Variants in GABRE observed in about 807,000 individuals in gnomAD.
The protein encoded by GABRE is gamma-aminobutyric acid receptor subunit epsilon.
In GABRE, 20 loss-of-function variants were observed where a neutral mutation model predicts 31.0. That is an observed-to-expected ratio of 0.64 (90% confidence interval 0.45 to 0.94). The LOEUF is 0.94. Ranked by LOEUF, GABRE falls within the 40% of genes least tolerant of loss-of-function variation. The pLI is 0.00. For missense variants in GABRE, 420 were observed against 410.7 expected (o/e 1.02, Z -0.20); for synonymous variants, 155 against 150.6 (o/e 1.03, Z -0.21).
chrX:151,954,772 A>G lies in GABRE; in HGVS notation c.1450T>C (p.Ser484Pro), dbSNP rs752531542. The change falls in exon 9 of 9, where the codon TCG (serine) becomes CCG (proline). Residue 484 changes from serine to proline, a missense_variant. Transcript: ENST00000370328. Reference protein sequence around the residue: ...CIHVYRLDNYSRVVFPVTFFF... With the variant: ...CIHVYRLDNYPRVVFPVTFFF... Reference sequence around the variant, plus strand: ...AAAGTCACTGGGAAAACAACTCTCGAGTAGTTATCCAGGCGGTAGACATGG... The same window carrying G: ...AAAGTCACTGGGAAAACAACTCTCGGGTAGTTATCCAGGCGGTAGACATGG... 1 of 1,210,085 alleles carries G rather than the reference A, an allele frequency of 8.3e-7. No individual in the cohort carries two copies. Among genetic ancestry groups the G allele is most frequent in the East Asian group, 3.0e-5 (1 of 33,745 alleles).
chrX:151,970,439 C>T, intron 1 of GABRE, 37 bp from the exon 2 acceptor site: 1 of 1,188,446 alleles, frequency 8.4e-7, no homozygotes, highest in Admixed American at 2.3e-5. Context: ...CTCTGCCCTG[C>T]ACTCTGTAGG....
At chrX:151,961,852 A>C (rs1934387989) in intron 4 of GABRE, among the ~76,000 whole-genome samples, 1 of 106,914 alleles carries the variant, frequency 9.4e-6, no homozygotes, top group South Asian at 4.0e-4. Flanking sequence ...CAAAACAAAC[A>C]AACAGCTTAG....
At chrX:151,955,144 G>T (rs1934112276) in intron 8 of GABRE, 60 bp from the exon 9 acceptor site, 1 of 1,178,271 alleles carries the variant, frequency 8.5e-7, no homozygotes, top group Non-Finnish European at 1.1e-6. Context: ...AAGTCTAAGT[G>T]CTGCCTCCGG....
In GABRE at chrX:151,955,369, T is replaced by C; in HGVS notation, c.1136A>G (p.His379Arg). The C allele has an allele frequency of 1.7e-6, 2 of 1,211,521 alleles. No homozygotes were observed. Among genetic ancestry groups the C allele is most frequent in the East Asian group, 3.0e-5 (1 of 33,842 alleles). Residue 379 changes from histidine (H) to arginine (R), a missense_variant and splice_region_variant, in exon 8 of 9, where the codon CAT becomes CGT. Transcript: ENST00000370328. ...ACCACTCCCATACCCAGCTCATACA[T>C]GGCGGAGTTTAGGAGAAGCATGGGC... ...TKAHASPKLRHPRINSRAHAR... is the reference protein window; with the variant it reads ...TKAHASPKLRRPRINSRAHAR...
Position 151,954,889 on chromosome X carries a change from C to G in GABRE, c.1333G>C (p.Ala445Pro). 2.5e-6 allele frequency: 3 copies of G among 1,211,319 alleles called. No homozygotes were observed. The highest frequency in any genetic ancestry group is 1.8e-5 in the South Asian group (1 of 56,816). Residue 445 changes from alanine (A) to proline (P), a missense_variant, in exon 9 of 9, where the codon GCC becomes CCC. Ala to Pro is a conservative substitution (Grantham distance 27). Transcript: ENST00000370328. ...EGPRSLCSKLACCEWCKRFKK... is the reference protein window; with the variant it reads ...EGPRSLCSKLPCCEWCKRFKK... ...AAACGCTTGCACCACTCACAGCAGG[C>G]CAGCTTGGAGCAGAGGCTGCGGGGA... is the stretch of plus-strand genomic sequence containing the variant.
In GABRE at chrX:151,962,259, C is replaced by T. The variant is rs1446313473; in HGVS notation, c.563+164G>A. Among the ~76,000 whole-genome samples, 4 of 111,681 alleles carry T rather than the reference C, an allele frequency of 3.6e-5. No individual in the cohort carries two copies. The South Asian group carries it at 1.5e-3, about 42-fold the overall frequency. On this transcript the variant is annotated intron_variant, in intron 4 of 8. Transcript: ENST00000370328. ...AAGCAATATCTTTCTATTTTGAGGCCTCTATATCTGTTACATAAGGGGGCT... is the reference window on the plus strand; with the variant it reads ...AAGCAATATCTTTCTATTTTGAGGCTTCTATATCTGTTACATAAGGGGGCT...
rs930389888 is a variant in GABRE, at chrX:151,954,498, C to T, written c.*203G>A. Reference sequence around the variant, plus strand: ...CCATTTATTAATAATTTGAAATGGTCTGCTGAGAAGACTCAGTGAATGGGC... The same window carrying T: ...CCATTTATTAATAATTTGAAATGGTTTGCTGAGAAGACTCAGTGAATGGGC... On this transcript the variant is annotated 3_prime_UTR_variant, in exon 9 of 9. Coordinates refer to ENST00000370328, the MANE Select transcript of GABRE (RefSeq NM_004961.4). The T allele has an allele frequency of 2.0e-5, 8 of 391,108 alleles. No homozygotes were observed. Among genetic ancestry groups the T allele is most frequent in the Non-Finnish European group, 1.8e-5 (4 of 225,755 alleles). 32.2% of individuals were successfully genotyped at this position (391,108 alleles called of 1,213,427 possible). A position where few individuals can be genotyped will look rare whatever the true frequency, so the allele number is the denominator to read the frequency against.
Position 151,963,559 on chromosome X carries a change from G to T in GABRE, c.343-916C>A, listed in dbSNP as rs190976499. 3.6e-5 allele frequency among the ~76,000 whole-genome samples: 4 copies of T among 112,338 alleles called. No individual in the cohort carries two copies. The Admixed American group carries it at 3.8e-4, about 11-fold the overall frequency. On this transcript the variant is annotated intron_variant, in intron 3 of 8. Transcript: ENST00000370328. ...CCAACAGAATGGCAAATGTGACTAT[G>T]GTCCATGCAGATCTTACTGACATGG...
chrX:151,972,716 TA>T (rs3831673), intron 1 of GABRE: 31,396 of 548,295 alleles, frequency 0.057, 326 homozygotes, highest in African/African-American at 0.15. Context: ...TTTTGCCAGT[TA>T]AAAAAAAAAA....
chrX:151,965,161 G>T (rs753178955), intron 3 of GABRE, among the ~76,000 whole-genome samples: 16 of 111,519 alleles, frequency 1.4e-4, no homozygotes, highest in African/African-American at 4.9e-4. Flanking sequence ...AGGGGAGCTG[G>T]GGGGGAAAGG....
At chrX:151,966,042 A>G (rs927675412) in intron 3 of GABRE, among the ~76,000 whole-genome samples, 2 of 112,559 alleles carry the variant, frequency 1.8e-5, no homozygotes, top group Admixed American at 1.9e-4. Context: ...CTTGGTAGCC[A>G]GTGGGAAGCC....
In GABRE at chrX:151,974,583, T is replaced by C. The variant is rs1300627233; in HGVS notation, c.43A>G (p.Ile15Val). The change falls in exon 1 of 9, where the codon ATC becomes GTC. Residue 15 changes from isoleucine (I) to valine (V), a missense_variant. By Grantham distance (29) the Ile-to-Val change is conservative (BLOSUM62 3). Transcript: ENST00000370328. ...VLPVLLGILL[I>V]LQSRVEGPQT... ...ATGGAGACTCACCTCGACTGGAGGATCAATAAGATGCCTAGGAGGACTGGA... is the reference window on the plus strand; with the variant it reads ...ATGGAGACTCACCTCGACTGGAGGACCAATAAGATGCCTAGGAGGACTGGA... 6 of 1,173,045 alleles carry C rather than the reference T, an allele frequency of 5.1e-6. No individual in the cohort carries two copies. Among genetic ancestry groups the C allele is most frequent in the Admixed American group, 2.4e-5 (1 of 42,216 alleles).
rs780010770 is a variant in GABRE, at chrX:151,955,246, C to T, written c.1137+122G>A. 8.1e-5 allele frequency: 96 copies of T among 1,192,076 alleles called. No individual in the cohort carries two copies. The Middle Eastern group carries it at 1.2e-3, about 15-fold the overall frequency. On this transcript the variant is annotated intron_variant, in intron 8 of 8. Coordinates refer to ENST00000370328, the MANE Select transcript of GABRE (RefSeq NM_004961.4). ...TCAGGAAGTTGATTCAACCCCGCCA[C>T]CACCCTGGGTAACATTCCATCACTC...
intron 3 of GABRE, among the ~76,000 whole-genome samples, chrX:151,965,082 C>T (rs1322698080): frequency 2.7e-5 from 3 of 111,078 alleles, no homozygotes; most frequent in Non-Finnish European, 3.8e-5. Context: ...ACACGGGAGG[C>T]GGAGGTTGAC....
chrX:151,973,001 G>C (rs972614107), intron 1 of GABRE, among the ~76,000 whole-genome samples: 2 of 104,886 alleles, frequency 1.9e-5, no homozygotes, highest in African/African-American at 3.4e-5. Flanking sequence ...TGTGAGAAGT[G>C]GGGGGGGGAG....
chrX:151,964,778 G>C (rs2124171068), intron 3 of GABRE, among the ~76,000 whole-genome samples: 1 of 112,068 alleles, frequency 8.9e-6, no homozygotes, highest in South Asian at 3.8e-4. Context: ...TAAAAATGAA[G>C]TGTTTTGGAG....
Position 151,962,380 on chromosome X carries a change from G to A in GABRE, c.563+43C>T, listed in dbSNP as rs1312348668. On this transcript the variant is annotated intron_variant, in intron 4 of 8. Transcript: ENST00000370328. ...TCTTTAGCTAAAATTATCAGAAGGGGAGAGAGAATTCCAGGAAGTGAGACT... is the reference window on the plus strand; with the variant it reads ...TCTTTAGCTAAAATTATCAGAAGGGAAGAGAGAATTCCAGGAAGTGAGACT... 5.5e-6 allele frequency: 6 copies of A among 1,082,505 alleles called. No homozygotes were observed. The South Asian group carries it at 1.1e-4, about 20-fold the overall frequency. The allele number at this position is 1,082,505 out of a possible 1,213,427, so 89.2% of individuals were successfully genotyped here. A position where few individuals can be genotyped will look rare whatever the true frequency, so the allele number is the denominator to read the frequency against.
At position 151,955,059 on chromosome X, in the gene GABRE, G is replaced by A; in HGVS notation, c.1163C>T (p.Ala388Val). 9 of 1,202,348 alleles carry A rather than the reference G, an allele frequency of 7.5e-6. No homozygotes were observed. The highest frequency in any genetic ancestry group is 1.0e-5 in the Non-Finnish European group (9 of 890,478). The change falls in exon 9 of 9, where the codon GCC becomes GTC. Residue 388 changes from alanine to valine, a missense_variant. Coordinates refer to ENST00000370328, the MANE Select transcript of GABRE (RefSeq NM_004961.4). ...RHPRINSRAH[A>V]RTRARSRACA... ...GGCTCGGGAACGTGCACGGGTACGG[G>A]CATGGGCACGGCTATTGATACGAGG...
intron 1 of GABRE, chrX:151,971,477 A>G (rs1360100394): frequency 6.5e-6 from 1 of 153,423 alleles, no homozygotes; most frequent in African/African-American, 3.1e-5. Context: ...ACATGAATAA[A>G]TTATTCTTTA....
Sources: gnomAD v4.1 joint callset for allele counts (sites outside exome capture counted in the v4.1 genomes callset) on GRCh38, gnomAD v4.1.1 for gene constraint, MANE v1.5 for transcripts, NCBI Gene and HGNC (gene_info 2026-07-23, HGNC 2026-07-21) for gene names.